Variants in MSH3 observed in about 807,000 individuals in gnomAD.
MSH3 encodes mutS homolog 3, also known as DNA mismatch repair protein Msh3.
MSH3 carries 106 observed loss-of-function variants against 123.3 expected under a neutral mutation model. The observed-to-expected ratio is 0.86, with a 90% CI of 0.73 to 1.01. The LOEUF is 1.01. MSH3 is among the 50% of genes least tolerant of loss of function. MSH3 has a pLI of 0.00. For synonymous variants in MSH3, 515 were observed against 481.4 expected (o/e 1.07, Z -0.91); for missense variants, 1,459 against 1,347.6 (o/e 1.08, Z -1.29).
At chr5:80,754,441 G>A (rs1030468893) in intron 12 of MSH3, among the ~76,000 whole-genome samples, 4 of 152,204 alleles carry the variant, frequency 2.6e-5, no homozygotes, top group South Asian at 2.1e-4. Flanking sequence ...CGTTCCCAGC[G>A]TCAGGGAATT....
At chr5:80,721,488 C>T (rs1249968165) in intron 8 of MSH3, among the ~76,000 whole-genome samples, 2 of 151,966 alleles carry the variant, frequency 1.3e-5, no homozygotes, top group South Asian at 2.1e-4. Context: ...CTGTGCTTTC[C>T]AGTGAGTACC....
At chr5:80,712,806 G>C (rs922912761) in intron 8 of MSH3, among the ~76,000 whole-genome samples, 1 of 151,378 alleles carries the variant, frequency 6.6e-6, no homozygotes, top group Non-Finnish European at 1.5e-5. Flanking sequence ...GTTGGTTTTA[G>C]AATTATAATT....
At chr5:80,685,978 G>A (rs1580560815) in intron 8 of MSH3, among the ~76,000 whole-genome samples, 2 of 152,000 alleles carry the variant, frequency 1.3e-5, no homozygotes. Flanking sequence ...TCTTGTTTTC[G>A]ATTTCTAGTT....
intron 8 of MSH3, among the ~76,000 whole-genome samples, chr5:80,717,765 A>AT (rs905396023): frequency 2.6e-4 from 39 of 147,284 alleles, no homozygotes; most frequent in South Asian, 8.7e-4. Context: ...TAATGAGAGC[A>AT]TTTTTTTTTT....
chr5:80,766,181 C>A (rs1744118079), intron 13 of MSH3, among the ~76,000 whole-genome samples: 1 of 152,018 alleles, frequency 6.6e-6, no homozygotes, highest in East Asian at 1.9e-4. Context: ...GTACACAAGT[C>A]TTTTTGGATT....
At chr5:80,865,988 T>TC (rs1373712774) in intron 22 of MSH3, among the ~76,000 whole-genome samples, 1 of 152,204 alleles carries the variant, frequency 6.6e-6, no homozygotes, top group Non-Finnish European at 1.5e-5. Flanking sequence ...AGAGGAGACT[T>TC]AAGCTAAAAC....
At chr5:80,708,830 G>A (rs1750777344) in intron 8 of MSH3, among the ~76,000 whole-genome samples, 1 of 151,930 alleles carries the variant, frequency 6.6e-6, no homozygotes, top group African/African-American at 2.4e-5. Context: ...GCTGGAGTGT[G>A]GTGGCAGGAT....
chr5:80,815,485 A>G (rs1464535882), intron 20 of MSH3, among the ~76,000 whole-genome samples: 1 of 152,194 alleles, frequency 6.6e-6, no homozygotes, highest in Non-Finnish European at 1.5e-5. Context: ...TACAAGTAAA[A>G]TAAAAGAAGG....
intron 20 of MSH3, among the ~76,000 whole-genome samples, chr5:80,823,497 C>T (rs1398329679): frequency 6.6e-6 from 1 of 152,078 alleles, no homozygotes; most frequent in Non-Finnish European, 1.5e-5. Context: ...TATAAGTAAC[C>T]CTAGTTCTTC....
chr5:80,771,426 T>C (rs541181696), intron 15 of MSH3, among the ~76,000 whole-genome samples: 1 of 151,302 alleles, frequency 6.6e-6, no homozygotes, highest in East Asian at 2.0e-4. Context: ...TGCTGTGACC[T>C]GTGATCATGC....
intron 8 of MSH3, among the ~76,000 whole-genome samples, chr5:80,708,879 A>T (rs1008361225): frequency 2.0e-5 from 3 of 151,524 alleles, no homozygotes; most frequent in Non-Finnish European, 4.4e-5. Context: ...GGTTCTAGCG[A>T]TTTTCCTGCC....
Position 80,769,990 on chromosome 5 carries a change from T to C in MSH3, c.2253+987T>C, listed in dbSNP as rs112133814. Among the ~76,000 whole-genome samples the C allele has an allele frequency of 3.5e-3, 535 of 152,278 alleles. 2 individuals are homozygous for C. The highest frequency in any genetic ancestry group is 0.012 in the African/African-American group (513 of 41,574). ...CAACCTGTCTTCTGAACTAAAATTA[T>C]TAAGATATTATACTCAGCAGACATT... On this transcript the variant is annotated intron_variant, in intron 15 of 23. Transcript: ENST00000265081.
At chr5:80,754,298 A>T (rs1743886204) in intron 12 of MSH3, among the ~76,000 whole-genome samples, 2 of 152,086 alleles carry the variant, frequency 1.3e-5, no homozygotes, top group African/African-American at 4.8e-5. Context: ...ATATATATAT[A>T]TGAAATCTCT....
At chr5:80,833,741 A>C (rs1290451308) in intron 20 of MSH3, among the ~76,000 whole-genome samples, 1 of 152,084 alleles carries the variant, frequency 6.6e-6, no homozygotes, top group Non-Finnish European at 1.5e-5. Flanking sequence ...TCGCACAGCC[A>C]AACTTTCTTG....
intron 8 of MSH3, among the ~76,000 whole-genome samples, chr5:80,705,534 C>G (rs6151691): frequency 0.012 from 1,788 of 152,326 alleles, 15 homozygotes; most frequent in South Asian, 0.048. Context: ...GCCTGTCTCT[C>G]TCAATAGGTG....
intron 8 of MSH3, among the ~76,000 whole-genome samples, chr5:80,690,064 A>G (rs906728578): frequency 6.6e-6 from 1 of 151,954 alleles, no homozygotes; most frequent in African/African-American, 2.4e-5. Context: ...TCAGGCATGC[A>G]CCACCCCTTA....
intron 20 of MSH3, among the ~76,000 whole-genome samples, chr5:80,829,273 GA>G (rs1238378823): frequency 2.6e-5 from 4 of 152,182 alleles, no homozygotes; most frequent in Non-Finnish European, 4.4e-5. Flanking sequence ...CTGCAGTGTT[GA>G]AAAGGAGTGG....
At chr5:80,693,614 C>A in intron 8 of MSH3, among the ~76,000 whole-genome samples, 1 of 117,922 alleles carries the variant, frequency 8.5e-6, no homozygotes, top group African/African-American at 3.5e-5. Flanking sequence ...CATATATACA[C>A]ACACACATAT....
At chr5:80,714,130 CTTTTTTTTT>C (rs34918629) in intron 8 of MSH3, among the ~76,000 whole-genome samples, 4 of 85,828 alleles carry the variant, frequency 4.7e-5, no homozygotes, top group South Asian at 8.2e-4. Context: ...TTCAAATAGA[CTTTTTTTTT>C]TTTTTTTTTT....
Sources: gnomAD v4.1 joint callset for allele counts (sites outside exome capture counted in the v4.1 genomes callset) on GRCh38, gnomAD v4.1.1 for gene constraint, MANE v1.5 for transcripts, NCBI Gene and HGNC (gene_info 2026-07-23, HGNC 2026-07-21) for gene names.